Variants in TTLL5 observed in about 807,000 individuals in gnomAD.
TTLL5 encodes the protein tubulin polyglutamylase TTLL5.
TTLL5 carries 132 observed loss-of-function variants against 168.4 expected under a neutral mutation model. The ratio of observed to expected loss-of-function variants is 0.78; its 90% CI spans 0.68 to 0.91. The LOEUF is 0.91. Among genes scored for constraint, TTLL5 ranks in the 40% least tolerant of loss-of-function variants. The pLI, the probability that TTLL5 is intolerant of heterozygous loss-of-function variation, is 0.00. For missense variants in TTLL5, 1,545 were observed against 1,581.5 expected (o/e 0.98, Z 0.39); for synonymous variants, 546 against 558.6 (o/e 0.98, Z 0.32).
intron 6 of TTLL5, among the ~76,000 whole-genome samples, chr14:75,691,727 A>G (rs990642183): frequency 9.9e-5 from 15 of 152,232 alleles, no homozygotes; most frequent in Non-Finnish European, 1.8e-4. Flanking sequence ...TTTCCTCCCA[A>G]GAAGTCCAAG....
At chr14:75,930,708 A>T in intron 31 of TTLL5, 1 of 920,192 alleles carries the variant, frequency 1.1e-6, no homozygotes, top group South Asian at 5.0e-5. Context: ...TATGGTTCTG[A>T]GAGAAAGAAG....
chr14:75,926,171 T>C (rs2034060170), intron 31 of TTLL5, among the ~76,000 whole-genome samples: 1 of 127,658 alleles, frequency 7.8e-6, no homozygotes, highest in South Asian at 2.7e-4. Context: ...TTTTTTTTTT[T>C]TTTTTTTTTT....
At chr14:75,857,981 G>T (rs1052687310) in intron 28 of TTLL5, among the ~76,000 whole-genome samples, 13 of 151,994 alleles carry the variant, frequency 8.6e-5, no homozygotes, top group Non-Finnish European at 1.2e-4. Context: ...TCCGGGCTTA[G>T]AATTTTCCTT....
rs537604008 is a variant in TTLL5, at chr14:75,856,133, C to T, written c.3327-7534C>T. ...ATCCCAGCACTTTGGGAGGCCGAGG[C>T]GGGCTGATCACCTGAGGTCGGGAGT... On this transcript the variant is annotated intron_variant, in intron 28 of 31. Coordinates refer to ENST00000298832, the MANE Select transcript of TTLL5 (RefSeq NM_015072.5). 3.2e-3 allele frequency among the ~76,000 whole-genome samples: 484 copies of T among 152,268 alleles called. 5 individuals carry two copies. The highest frequency in any genetic ancestry group is 0.011 in the African/African-American group (460 of 41,538).
chr14:75,673,493 T>G (rs1486211505), intron 3 of TTLL5, among the ~76,000 whole-genome samples: 1 of 151,878 alleles, frequency 6.6e-6, no homozygotes, highest in Admixed American at 6.6e-5. Context: ...AATCCCAGCT[T>G]TGGTATTTCT....
intron 31 of TTLL5, among the ~76,000 whole-genome samples, chr14:75,950,639 A>AT (rs2034933449): frequency 6.6e-6 from 1 of 152,180 alleles, no homozygotes; most frequent in Non-Finnish European, 1.5e-5. Context: ...ATACTGTTTT[A>AT]TTTTTTATGT....
intron 28 of TTLL5, among the ~76,000 whole-genome samples, chr14:75,834,558 C>T (rs1895773062): frequency 6.6e-6 from 1 of 152,200 alleles, no homozygotes; most frequent in African/African-American, 2.4e-5. Flanking sequence ...ACCCCTTACT[C>T]TGTATATTTT....
At chr14:75,727,275 T>C (rs1888241794) in intron 12 of TTLL5, among the ~76,000 whole-genome samples, 1 of 152,290 alleles carries the variant, frequency 6.6e-6, no homozygotes, top group South Asian at 2.1e-4. Context: ...TTGCCAAAAA[T>C]TGGAAACAAT....
At chr14:75,688,459 C>A (rs1164682049) in intron 5 of TTLL5, among the ~76,000 whole-genome samples, 1 of 152,182 alleles carries the variant, frequency 6.6e-6, no homozygotes, top group East Asian at 1.9e-4. Context: ...TTTGTAATAT[C>A]CTTTTTAATA....
chr14:75,668,172 C>A (rs1883437485), intron 2 of TTLL5, among the ~76,000 whole-genome samples: 1 of 152,096 alleles, frequency 6.6e-6, no homozygotes, highest in African/African-American at 2.4e-5. Flanking sequence ...TCGAGTGAAT[C>A]TTGGCCAAGT....
intron 15 of TTLL5, among the ~76,000 whole-genome samples, chr14:75,739,574 C>G (rs1180381117): frequency 1.3e-5 from 2 of 152,008 alleles, no homozygotes; most frequent in African/African-American, 4.8e-5. Context: ...TTCAAATTTT[C>G]CACTCACCAG....
chr14:75,773,889 CAA>C (rs1158824704), intron 21 of TTLL5, among the ~76,000 whole-genome samples: 59 of 36,006 alleles, frequency 1.6e-3, no homozygotes, highest in African/African-American at 5.2e-3. Flanking sequence ...GATACCGTCT[CAA>C]AAAAAAAAAA....
intron 28 of TTLL5, among the ~76,000 whole-genome samples, chr14:75,851,140 A>G (rs1176505856): frequency 2.0e-5 from 3 of 151,968 alleles, no homozygotes; most frequent in Non-Finnish European, 4.4e-5. Context: ...AGAACTGCCA[A>G]AAGCACATAT....
intron 1 of TTLL5, among the ~76,000 whole-genome samples, 167 bp from the exon 2 acceptor site, chr14:75,662,888 C>T (rs1890848811): frequency 6.6e-6 from 1 of 152,098 alleles, no homozygotes; most frequent in South Asian, 2.1e-4. Flanking sequence ...CATATTGAGG[C>T]ACATATTGAG....
chr14:75,808,903 G>A (rs944527560), intron 27 of TTLL5, among the ~76,000 whole-genome samples: 3 of 151,782 alleles, frequency 2.0e-5, no homozygotes, highest in African/African-American at 7.3e-5. Context: ...TGGATTATAG[G>A]TGTGTGCCAC....
At chr14:75,940,340 A>G (rs536729604) in intron 31 of TTLL5, among the ~76,000 whole-genome samples, 48 of 152,176 alleles carry the variant, frequency 3.2e-4, no homozygotes, top group African/African-American at 1.1e-3. Context: ...CGGCCTCCCA[A>G]AGTGCTGGGA....
Position 75,827,707 on chromosome 14 carries a change from C to CTTTTTTTTTT in TTLL5, c.3326+7568_3326+7577dup, listed in dbSNP as rs561078439. Among the ~76,000 whole-genome samples the CTTTTTTTTTT allele has an allele frequency of 8.1e-4, 43 of 53,206 alleles. 5 individuals carry two copies. Among genetic ancestry groups the CTTTTTTTTTT allele is most frequent in the Middle Eastern group, 0.022 (1 of 46 alleles). 34.9% of individuals were successfully genotyped at this position (53,206 alleles called of 152,430 possible). ...AATCAATACCACATTTGGCTTGGTT[C>CTTTTTTTTTT]TTTTTTTTTTTTTTTTTTTTTTTTT... On this transcript the variant is annotated intron_variant, in intron 28 of 31. Transcript: ENST00000298832.
rs759419190 is a variant in TTLL5, at chr14:75,886,704, C to T, written c.3740+3802C>T. The stretch of plus-strand genomic sequence containing the variant: ...TTGCAACACTTCATAATTTAGTACC[C>T]GCTTCAGATCCTCCTTTCAAAACTA... On this transcript the variant is annotated intron_variant, in intron 30 of 31. Coordinates refer to ENST00000298832, the MANE Select transcript of TTLL5 (RefSeq NM_015072.5). 19 of 1,597,810 alleles carry T rather than the reference C, an allele frequency of 1.2e-5. No individual in the cohort carries two copies. In the East Asian group the frequency reaches 1.8e-4, roughly 15 times the overall value.
intron 13 of TTLL5, 85 bp downstream of exon 13, chr14:75,732,504 A>ACTTT: frequency 8.6e-7 from 1 of 1,167,018 alleles, no homozygotes; most frequent in South Asian, 1.4e-5. Flanking sequence ...TTCTCTTGGC[A>ACTTT]CTAGAAGACT....
Sources: gnomAD v4.1 joint callset for allele counts (sites outside exome capture counted in the v4.1 genomes callset) on GRCh38, gnomAD v4.1.1 for gene constraint, MANE v1.5 for transcripts, NCBI Gene and HGNC (gene_info 2026-07-23, HGNC 2026-07-21) for gene names.